The following RCBTB1 variants were observed in gnomAD, a reference collection of about 807,000 sequenced individuals.
RCBTB1 encodes the protein RCC1 and BTB domain containing protein 1.
In RCBTB1, 46 loss-of-function variants were observed where a neutral mutation model predicts 62.4. That is an observed-to-expected ratio of 0.74 (90% CI 0.58 to 0.94). The LOEUF is 0.94. Ranked by LOEUF, RCBTB1 falls within the 40% of genes least tolerant of loss-of-function variation. The pLI is 0.00. For synonymous variants in RCBTB1, 222 were observed against 245.8 expected (o/e 0.90, Z 0.91); for missense variants, 565 against 654.9 (o/e 0.86, Z 1.50).
chr13:49,545,203 A>C (rs550895595), intron 9 of RCBTB1, among the ~76,000 whole-genome samples: 16 of 152,310 alleles, frequency 1.1e-4, no homozygotes, highest in African/African-American at 3.9e-4. Context: ...CTCTTCTAAG[A>C]CTAAGAATTT....
At chr13:49,542,687 G>A (rs1010844892) in intron 10 of RCBTB1, among the ~76,000 whole-genome samples, 5 of 149,330 alleles carry the variant, frequency 3.3e-5, no homozygotes, top group Admixed American at 2.0e-4. Flanking sequence ...CTGACTTATC[G>A]TCAAAACAGC....
intron 9 of RCBTB1, among the ~76,000 whole-genome samples, chr13:49,548,388 C>CAAAAAAAAA (rs1289018692): frequency 1.2e-5 from 1 of 80,298 alleles, no homozygotes; most frequent in Non-Finnish European, 2.7e-5. Flanking sequence ...GACTCCGTCT[C>CAAAAAAAAA]AAAAAAAAAA....
rs1566249913 is a variant in RCBTB1, at chr13:49,562,776, C to CCTTTT, written c.278-2693_278-2692insAAAAG. On this transcript the variant is annotated intron_variant, in intron 4 of 12. Coordinates refer to ENST00000378302, the MANE Select transcript of RCBTB1 (RefSeq NM_018191.4). ...TACAGGTGCGTGCCACCATCCCCGG[C>CCTTTT]TTTTTTTTTTTTTTTTTTTTTTTTT... Among the ~76,000 whole-genome samples, 4 of 61,344 alleles carry CCTTTT rather than the reference C, an allele frequency of 6.5e-5. 2 individuals carry two copies. The highest frequency in any genetic ancestry group is 5.5e-4 in the Admixed American group (2 of 3,642). The allele number at this position is 61,344 out of a possible 152,430, so 40.2% of individuals were successfully genotyped here. A position where few individuals can be genotyped will look rare whatever the true frequency, so the allele number is the denominator to read the frequency against.
chr13:49,551,482 G>A lies in RCBTB1; in HGVS notation c.712-14C>T. On this transcript the variant is annotated splice_polypyrimidine_tract_variant and intron_variant, in intron 7 of 12. Transcript: ENST00000378302. ...ACCGCAGACAATCTGCAAGTAAATTGAAACGGTTACCATTAGCAGGAAAAC... is the reference window on the plus strand; with the variant it reads ...ACCGCAGACAATCTGCAAGTAAATTAAAACGGTTACCATTAGCAGGAAAAC... 1.2e-6 allele frequency: 2 copies of A among 1,613,726 alleles called. No individual in the cohort carries two copies. Among genetic ancestry groups the A allele is most frequent in the South Asian group, 2.2e-5 (2 of 91,020 alleles).
chr13:49,546,655 C>CTA (rs1453760143), intron 9 of RCBTB1, among the ~76,000 whole-genome samples: 2 of 152,202 alleles, frequency 1.3e-5, no homozygotes, highest in Non-Finnish European at 2.9e-5. Flanking sequence ...ATCATCTAGG[C>CTA]ATTAGATTCT....
At chr13:49,539,058 C>T (rs1338635626) in intron 12 of RCBTB1, among the ~76,000 whole-genome samples, 2 of 151,870 alleles carry the variant, frequency 1.3e-5, no homozygotes, top group African/African-American at 4.8e-5. Flanking sequence ...TTAGTAGAGA[C>T]AGGGTTTCAC....
chr13:49,571,141 G>C (rs1443887113), intron 2 of RCBTB1, among the ~76,000 whole-genome samples: 1 of 152,202 alleles, frequency 6.6e-6, no homozygotes, highest in African/African-American at 2.4e-5. Flanking sequence ...GAGGTGGGGA[G>C]TTCGAGACCA....
intron 8 of RCBTB1, chr13:49,550,036 CT>C: frequency 1.9e-6 from 1 of 514,386 alleles, no homozygotes; most frequent in Non-Finnish European, 2.5e-6. Context: ...GTCACCCAGG[CT>C]AGAGCGCAGT....
At chr13:49,570,027 G>T (rs985416594) in intron 2 of RCBTB1, among the ~76,000 whole-genome samples, 7 of 152,188 alleles carry the variant, frequency 4.6e-5, no homozygotes, top group Non-Finnish European at 7.4e-5. Context: ...AGCCATACAA[G>T]CAGGTAAGTA....
rs970793417 is a variant in RCBTB1 at position 49,555,621 on chromosome 13, G to T, written c.497C>A (p.Ala166Glu). The T allele has an allele frequency of 3.1e-6, 5 of 1,612,964 alleles. No homozygotes were observed. The highest frequency in any genetic ancestry group is 1.1e-5 in the South Asian group (1 of 90,906). ...NCGQVGSGST[A>E]NQPTPRKVTN... Reference sequence around the variant, plus strand: ...AACTTTTCGAGGAGTTGGTTGATTTGCTGTAGAACCTGATCCCACTTGGCC... The same window carrying T: ...AACTTTTCGAGGAGTTGGTTGATTTTCTGTAGAACCTGATCCCACTTGGCC... The change falls in exon 6 of 13, where the codon GCA (alanine) becomes GAA (glutamate). Residue 166 changes from alanine to glutamate, a missense_variant. Coordinates refer to ENST00000378302, the MANE Select transcript of RCBTB1 (RefSeq NM_018191.4).
At chr13:49,553,280 T>C (rs771223356) in intron 6 of RCBTB1, among the ~76,000 whole-genome samples, 1 of 152,330 alleles carries the variant, frequency 6.6e-6, no homozygotes, top group Non-Finnish European at 1.5e-5. Context: ...ATTTAATTTG[T>C]ATTTTTGAAA....
chr13:49,561,120 C>A (rs1962400720), intron 4 of RCBTB1, among the ~76,000 whole-genome samples: 1 of 152,206 alleles, frequency 6.6e-6, no homozygotes, highest in South Asian at 2.1e-4. Context: ...AAGGGCAGGT[C>A]TCCCAGAGTT....
chr13:49,533,496 TATC>T lies in RCBTB1; in HGVS notation c.*623_*625del, dbSNP rs1161189169. Reference sequence around the variant, plus strand: ...GAAATCTTGACTAACCTAGAATATTTATCTTTACATAATTATCATTTCAACAGG... The same window carrying T: ...GAAATCTTGACTAACCTAGAATATTTTTTACATAATTATCATTTCAACAGG... On this transcript the variant is annotated 3_prime_UTR_variant, in exon 13 of 13. Coordinates refer to ENST00000378302, the MANE Select transcript of RCBTB1 (RefSeq NM_018191.4). 1 of 152,232 alleles carries T rather than the reference TATC, an allele frequency of 6.6e-6. No homozygotes were observed. Among genetic ancestry groups the T allele is most frequent in the Non-Finnish European group, 1.5e-5 (1 of 68,046 alleles). The allele number at this position is 152,232 out of a possible 1,614,324, so 9.4% of individuals were successfully genotyped here. A position where few individuals can be genotyped will look rare whatever the true frequency, so the allele number is the denominator to read the frequency against.
At chr13:49,574,805 T>G (rs1394149769) in intron 2 of RCBTB1, among the ~76,000 whole-genome samples, 1 of 152,178 alleles carries the variant, frequency 6.6e-6, no homozygotes, top group Non-Finnish European at 1.5e-5. Context: ...CAAAGCAGCA[T>G]TATTCACAAT....
intron 8 of RCBTB1, chr13:49,551,086 G>C: frequency 2.1e-6 from 1 of 466,936 alleles, no homozygotes; most frequent in Non-Finnish European, 3.8e-6. Context: ...CTGGGTGACA[G>C]AGACTCTGTC....
intron 3 of RCBTB1, 29 bp downstream of exon 3, chr13:49,567,125 A>G (rs758542092): frequency 1.1e-5 from 17 of 1,611,298 alleles, no homozygotes; most frequent in Middle Eastern, 3.3e-4. Flanking sequence ...TAAGTCCTAA[A>G]ACGAAACTAG....
intron 1 of RCBTB1, among the ~76,000 whole-genome samples, chr13:49,582,630 A>T (rs1389516668): frequency 6.6e-6 from 1 of 152,256 alleles, no homozygotes; most frequent in African/African-American, 2.4e-5. Flanking sequence ...TGCTGGAGAC[A>T]TACTCATTCT....
intron 6 of RCBTB1, among the ~76,000 whole-genome samples, chr13:49,553,268 T>G (rs1329216722): frequency 6.6e-6 from 1 of 152,182 alleles, no homozygotes; most frequent in Non-Finnish European, 1.5e-5. Flanking sequence ...ATTGAAATAT[T>G]AATTTAATTT....
intron 12 of RCBTB1, among the ~76,000 whole-genome samples, chr13:49,538,763 A>ACG (rs1243668290): frequency 6.6e-6 from 1 of 151,538 alleles, no homozygotes; most frequent in Non-Finnish European, 1.5e-5. Context: ...ATATATACAC[A>ACG]CACACACACA....
Sources: allele counts gnomAD v4.1 joint callset (sites outside exome capture counted in the v4.1 genomes callset), GRCh38; gene constraint gnomAD v4.1.1; transcripts MANE v1.5; gene names NCBI Gene and HGNC (gene_info 2026-07-23, HGNC 2026-07-21).